The following RNF112 variants were observed in gnomAD, a reference collection of about 807,000 sequenced individuals.
RNF112 encodes the protein brain finger protein.
In RNF112, 34 loss-of-function variants were observed where a neutral mutation model predicts 64.7. The observed-to-expected ratio is 0.53, with a 90% confidence interval of 0.40 to 0.70. The LOEUF (loss-of-function observed/expected upper bound fraction) is 0.70, where lower values mean the gene tolerates loss of function less well. RNF112 is among the 30% of genes least tolerant of loss of function. The pLI, the probability that RNF112 is intolerant of heterozygous loss-of-function variation, is 0.00. For synonymous variants in RNF112, 345 were observed against 344.5 expected (o/e 1.00, Z -0.02); for missense variants, 734 against 850.0 (o/e 0.86, Z 1.70).
rs867814801 is a variant in RNF112, at chr17:19,413,588, C to A, written c.732C>A (p.Phe244Leu). The change falls in exon 6 of 14, where the codon TTC becomes TTA. Residue 244 changes from phenylalanine to leucine, a missense_variant. Phe to Leu is a conservative substitution (Grantham distance 22, BLOSUM62 0). Transcript: ENST00000461366. The surrounding 1 kb of genome is among the most constrained non-coding windows in gnomAD (Gnocchi z 5.9). The part of the protein sequence containing the change: ...LGKEGKKVAV[F>L]LVDTGDAMSP... Reference sequence around the variant, plus strand: ...TACCCCCTGCATAGGTGGCGGTGTTCCTGGTGGACACAGGGGATGCCATGA... The same window carrying A: ...TACCCCCTGCATAGGTGGCGGTGTTACTGGTGGACACAGGGGATGCCATGA... 1 of 1,612,980 alleles carries A rather than the reference C, an allele frequency of 6.2e-7. No individual in the cohort carries two copies. The highest frequency in any genetic ancestry group is 8.5e-7 in the Non-Finnish European group (1 of 1,179,468).
rs1456575399 is a variant in RNF112 at position 19,414,373 on chromosome 17, G to T, written c.877-76G>T. ...TAGCTCCTACAGCAGGCGTAGGGAGGTGGGGAGACAGGCTTGGGGTGCACC... is the reference window on the plus strand; with the variant it reads ...TAGCTCCTACAGCAGGCGTAGGGAGTTGGGGAGACAGGCTTGGGGTGCACC... On this transcript the variant is annotated intron_variant, in intron 7 of 13. Coordinates refer to ENST00000461366, the MANE Select transcript of RNF112 (RefSeq NM_007148.5). 2.6e-6 allele frequency: 4 copies of T among 1,561,166 alleles called. No homozygotes were observed. In the African/African-American group the frequency reaches 4.1e-5, roughly 16 times the overall value.
In RNF112 at chr17:19,412,166, G is replaced by T. The variant is rs1180440153; in HGVS notation, c.96-332G>T. On this transcript the variant is annotated intron_variant, in intron 2 of 13. Transcript: ENST00000461366. The surrounding 1 kb of genome is among the most constrained non-coding windows in gnomAD (Gnocchi z 5.1). Reference sequence around the variant, plus strand: ...CCATTGGGACAGTTAGGAAATTGAGGCCCAGAGAGGGGAAGGAACTTGCTT... The same window carrying T: ...CCATTGGGACAGTTAGGAAATTGAGTCCCAGAGAGGGGAAGGAACTTGCTT... Among the ~76,000 whole-genome samples the T allele has an allele frequency of 1.3e-5, 2 of 152,334 alleles. No individual in the cohort carries two copies. The highest frequency in any genetic ancestry group is 2.9e-5 in the Non-Finnish European group (2 of 68,032).
In RNF112 at chr17:19,416,268, GCACCGC is replaced by G; in HGVS notation, c.*96_*101del. 8.4e-7 allele frequency: 1 copy of G among 1,186,558 alleles called. No individual in the cohort carries two copies. Among genetic ancestry groups the G allele is most frequent in the Non-Finnish European group, 1.2e-6 (1 of 850,352 alleles). The allele number at this position is 1,186,558 out of a possible 1,614,324, so 73.5% of individuals were successfully genotyped here. ...GGAGGGTGATGCCAGGGATTCCAAG[GCACCGC>G]CATGTACTGCACTGCCCTGGTCGAA... is the stretch of plus-strand genomic sequence containing the variant. On this transcript the variant is annotated 3_prime_UTR_variant, in exon 14 of 14. Coordinates refer to ENST00000461366, the MANE Select transcript of RNF112 (RefSeq NM_007148.5).
chr17:19,415,580 T>C lies in RNF112; in HGVS notation c.1413T>C (p.Tyr471=), dbSNP rs1913854347. 1.9e-6 allele frequency: 3 copies of C among 1,612,518 alleles called. No individual in the cohort carries two copies. Among genetic ancestry groups the C allele is most frequent in the Non-Finnish European group, 1.7e-6 (2 of 1,179,420 alleles). The change falls in exon 13 of 14, where the codon TAT becomes TAC. Residue 471 remains tyrosine, a synonymous_variant. Coordinates refer to ENST00000461366, the MANE Select transcript of RNF112 (RefSeq NM_007148.5). This position sits in a 1 kb window ranked among gnomAD's most constrained non-coding sequence, Gnocchi z 7.8. ...CTGCCAAGAGGGAGTTCGAGGAGTA[T>C]GTGAGGCAGCAGGTGAGCCCCGGGG... The part of the protein sequence containing the change: ...VEAAKREFEE[Y]VRQQDVATKR...
Position 19,415,427 on chromosome 17 carries a change from T to A in RNF112, c.1350+88T>A. The A allele has an allele frequency of 6.5e-7, 1 of 1,536,734 alleles. No individual in the cohort carries two copies. Among genetic ancestry groups the A allele is most frequent in the Non-Finnish European group, 8.8e-7 (1 of 1,138,882 alleles). ...TGTGCCGAGGCCTCCGGGGTGGGGG[T>A]CTGTGTGCCCTGGGAGTGGAGATGA... On this transcript the variant is annotated intron_variant, in intron 12 of 13. Coordinates refer to ENST00000461366, the MANE Select transcript of RNF112 (RefSeq NM_007148.5). This position sits in a 1 kb window ranked among gnomAD's most constrained non-coding sequence, Gnocchi z 7.8.
Position 19,412,537 on chromosome 17 carries a change from G to A in RNF112, c.135G>A (p.Gly45=), listed in dbSNP as rs1483921679. 1 of 1,613,252 alleles carries A rather than the reference G, an allele frequency of 6.2e-7. No homozygotes were observed. The highest frequency in any genetic ancestry group is 1.1e-5 in the South Asian group (1 of 91,056). ...TCCCCAAGTTGGAGCTAGGCCTGGG[G>A]CCCCAGCCCATGGCGCCCCGGGAGC... is the stretch of plus-strand genomic sequence containing the variant. ...TPFPKLELGL[G]PQPMAPRELP... Residue 45 remains glycine (G), a synonymous_variant, in exon 3 of 14, where the codon GGG becomes GGA. Transcript: ENST00000461366. The surrounding 1 kb of genome is among the most constrained non-coding windows in gnomAD (Gnocchi z 5.1).
At chr17:19,414,947 G>A (rs991154275) in intron 10 of RNF112, 60 bp downstream of exon 10, 25 of 1,594,396 alleles carry the variant, frequency 1.6e-5, no homozygotes, top group East Asian at 4.5e-5. Flanking sequence ...TCCGGCAACC[G>A]AGCCCCTTGA....
chr17:19,413,004 C>G lies in RNF112; in HGVS notation c.448C>G (p.Leu150Val). Residue 150 changes from leucine (L) to valine (V), a missense_variant, in exon 4 of 14, where the codon CTT becomes GTT. Coordinates refer to ENST00000461366, the MANE Select transcript of RNF112 (RefSeq NM_007148.5). The surrounding 1 kb of genome is among the most constrained non-coding windows in gnomAD (Gnocchi z 5.9). ...VRINASGGLI[L>V]RMGAINRCLK... is the part of the protein sequence containing the mutation. ...CATCAATGCCTCTGGGGGCCTCATC[C>G]TTAGGATGGGGGCCATCAACCGCTG... 1.2e-6 allele frequency: 2 copies of G among 1,611,120 alleles called. No homozygotes were observed. Among genetic ancestry groups the G allele is most frequent in the Non-Finnish European group, 1.7e-6 (2 of 1,178,930 alleles).
chr17:19,412,522 G>A lies in RNF112; in HGVS notation c.120G>A (p.Leu40=). The A allele has an allele frequency of 6.2e-7, 1 of 1,613,194 alleles. No individual in the cohort carries two copies. Among genetic ancestry groups the A allele is most frequent in the Admixed American group, 1.7e-5 (1 of 59,896 alleles). ...GGTCCCATACACCTTTCCCCAAGTT[G>A]GAGCTAGGCCTGGGGCCCCAGCCCA... ...NSWSHTPFPK[L]ELGLGPQPMA... The change falls in exon 3 of 14, where the codon TTG becomes TTA. Residue 40 remains leucine, a synonymous_variant. Coordinates refer to ENST00000461366, the MANE Select transcript of RNF112 (RefSeq NM_007148.5). This position sits in a 1 kb window ranked among gnomAD's most constrained non-coding sequence, Gnocchi z 5.1.
Position 19,412,541 on chromosome 17 carries a change from C to G in RNF112, c.139C>G (p.Gln47Glu). 2 of 1,613,474 alleles carry G rather than the reference C, an allele frequency of 1.2e-6. No homozygotes were observed. ...FPKLELGLGP[Q>E]PMAPRELPTC... ...CAAGTTGGAGCTAGGCCTGGGGCCC[C>G]AGCCCATGGCGCCCCGGGAGCTCCC... The change falls in exon 3 of 14, where the codon CAG (glutamine) becomes GAG (glutamate). Residue 47 changes from glutamine (Q) to glutamate (E), a missense_variant. Physicochemically the swap from Gln to Glu is conservative, Grantham distance 29 (BLOSUM62 2). Transcript: ENST00000461366. The surrounding 1 kb of genome is among the most constrained non-coding windows in gnomAD (Gnocchi z 5.1).
chr17:19,416,181 C>T lies in RNF112; in HGVS notation c.*6C>T, dbSNP rs1489667317. ...CCCTTCTCCAGGAAGAGTAACAGCC[C>T]CAGGAGGTATTGAAGGACAGGAGAG... On this transcript the variant is annotated 3_prime_UTR_variant, in exon 14 of 14. Coordinates refer to ENST00000461366, the MANE Select transcript of RNF112 (RefSeq NM_007148.5). 2.6e-6 allele frequency: 4 copies of T among 1,544,992 alleles called. No individual in the cohort carries two copies. The highest frequency in any genetic ancestry group is 4.0e-5 in the Admixed American group (2 of 49,614).
Position 19,413,438 on chromosome 17 carries a change from T to C in RNF112, c.720+27T>C. 6.3e-7 allele frequency: 1 copy of C among 1,597,138 alleles called. No individual in the cohort carries two copies. Among genetic ancestry groups the C allele is most frequent in the Non-Finnish European group, 8.6e-7 (1 of 1,168,930 alleles). On this transcript the variant is annotated intron_variant, in intron 5 of 13. Coordinates refer to ENST00000461366, the MANE Select transcript of RNF112 (RefSeq NM_007148.5). The surrounding 1 kb of genome is among the most constrained non-coding windows in gnomAD (Gnocchi z 5.9). ...TGAGGGGGGAAGTGGCAGAAGGAGG[T>C]CAGGGATGGGAAGGGGAATCAAGAA...
At position 19,414,459 on chromosome 17, in the gene RNF112, A is replaced by G. The variant is rs1365541937; in HGVS notation, c.887A>G (p.His296Arg). The G allele has an allele frequency of 6.2e-7, 1 of 1,613,980 alleles. No homozygotes were observed. The highest frequency in any genetic ancestry group is 1.7e-5 in the Admixed American group (1 of 60,012). The change falls in exon 8 of 14, where the codon CAC becomes CGC. Residue 296 changes from histidine (H) to arginine (R), a missense_variant. By Grantham distance (29) the His-to-Arg change is conservative. Coordinates refer to ENST00000461366, the MANE Select transcript of RNF112 (RefSeq NM_007148.5). ...GTGTCCCACCCCCAGATGTTTGTCC[A>G]CGTGGCCGAGGTGATGGGCAAGCAT... is the stretch of plus-strand genomic sequence containing the variant. ...TDLDYLEMFV[H>R]VAEVMGKHYG...
rs370576543 is a variant in RNF112, at chr17:19,415,240, G to C, written c.1296+33G>C. The C allele has an allele frequency of 1.2e-5, 19 of 1,597,260 alleles. No homozygotes were observed. Among genetic ancestry groups the C allele is most frequent in the Non-Finnish European group, 1.6e-5 (19 of 1,175,736 alleles). On this transcript the variant is annotated intron_variant, in intron 11 of 13. Transcript: ENST00000461366. The surrounding 1 kb of genome is among the most constrained non-coding windows in gnomAD (Gnocchi z 7.8). ...AACTCCCTGGAGACCCAGGCGACTC[G>C]GCTGGGCCCCTGCTCTCCCTGACCC...
chr17:19,414,139 T>C lies in RNF112; in HGVS notation c.870T>C (p.Tyr290=). 5 of 1,603,920 alleles carry C rather than the reference T, an allele frequency of 3.1e-6. No individual in the cohort carries two copies. The highest frequency in any genetic ancestry group is 4.3e-6 in the Non-Finnish European group (5 of 1,171,438). The part of the protein sequence containing the change: ...SQELKDTDLD[Y]LEMFVHVAEV... ...AGCTGAAGGATACAGACCTGGACTA[T>C]CTGGAGGTAAAGAGACCTCTGATGT... The change falls in exon 7 of 14, where the codon TAT becomes TAC. Residue 290 remains tyrosine, a synonymous_variant. Transcript: ENST00000461366.
In RNF112 at chr17:19,416,938, C is replaced by T. The variant is rs1400805713; in HGVS notation, c.*763C>T. ...ATGCCCTCTGTGAAGTGCCCAAATG[C>T]GAAAGAATAACACCTTTTCTTGCAT... On this transcript the variant is annotated 3_prime_UTR_variant, in exon 14 of 14. Transcript: ENST00000461366. The T allele has an allele frequency of 3.3e-5, 5 of 152,008 alleles. No individual in the cohort carries two copies. The highest frequency in any genetic ancestry group is 1.3e-4 in the Admixed American group (2 of 15,242). 9.4% of individuals were successfully genotyped at this position (152,008 alleles called of 1,614,324 possible).
At chr17:19,411,693 C>A in intron 2 of RNF112, 23 bp downstream of exon 2, 1 of 1,572,982 alleles carries the variant, frequency 6.4e-7, no homozygotes, top group Non-Finnish European at 8.6e-7. Flanking sequence ...GCCTTCCAGG[C>A]TGGGATGGGT....
chr17:19,412,575 C>T lies in RNF112; in HGVS notation c.173C>T (p.Ser58Phe). ...GCGCCCCGGGAGCTCCCTACCTGCTCCATCTGCCTGGAGAGGTTGCGCGAC... is the reference window on the plus strand; with the variant it reads ...GCGCCCCGGGAGCTCCCTACCTGCTTCATCTGCCTGGAGAGGTTGCGCGAC... The part of the protein sequence containing the change: ...PMAPRELPTC[S>F]ICLERLRDPI... The change falls in exon 3 of 14, where the codon TCC becomes TTC. Residue 58 changes from serine (S) to phenylalanine (F), a missense_variant. Coordinates refer to ENST00000461366, the MANE Select transcript of RNF112 (RefSeq NM_007148.5). The surrounding 1 kb of genome is among the most constrained non-coding windows in gnomAD (Gnocchi z 5.1). 1 of 1,613,588 alleles carries T rather than the reference C, an allele frequency of 6.2e-7. No homozygotes were observed. Among genetic ancestry groups the T allele is most frequent in the East Asian group, 2.2e-5 (1 of 44,852 alleles).
intron 9 of RNF112, 30 bp downstream of exon 9, chr17:19,414,690 G>A (rs1913801550): frequency 1.2e-6 from 2 of 1,610,342 alleles, no homozygotes; most frequent in African/African-American, 2.7e-5. Context: ...GGGGTGGAGG[G>A]GCCATGGACA....
Sources: gnomAD v4.1 joint callset for allele counts (sites outside exome capture counted in the v4.1 genomes callset) on GRCh38, gnomAD v4.1.1 for gene constraint, Gnocchi (gnomAD v3.1) non-coding constraint, MANE v1.5 for transcripts, NCBI Gene and HGNC (gene_info 2026-07-23, HGNC 2026-07-21) for gene names.